Variants in CRACD observed in about 807,000 individuals in gnomAD.
The protein encoded by CRACD is capping protein-inhibiting regulator of actin dynamics.
A neutral mutation model predicts 106.8 loss-of-function variants in CRACD; 56 were observed. The observed-to-expected ratio is 0.52, with a 90% CI of 0.42 to 0.66. CRACD has a LOEUF of 0.66. Ranked by LOEUF, CRACD falls within the 30% of genes least tolerant of loss-of-function variation. CRACD has a pLI of 0.00. For synonymous variants in CRACD, 754 were observed against 670.8 expected (o/e 1.12, Z -1.92); for missense variants, 1,730 against 1,623.2 (o/e 1.07, Z -1.13).
At chr4:56,275,930 G>A (rs1196464660) in intron 3 of CRACD, among the ~76,000 whole-genome samples, 1 of 152,186 alleles carries the variant, frequency 6.6e-6, no homozygotes, top group African/African-American at 2.4e-5. Context: ...CACTGGGTGG[G>A]AATTGAAGGG....
At position 56,315,892 on chromosome 4, in the gene CRACD, C is replaced by T. The variant is rs1477600191; in HGVS notation, c.2390C>T (p.Ser797Phe). The T allele has an allele frequency of 1.2e-6, 2 of 1,614,238 alleles. No homozygotes were observed. The highest frequency in any genetic ancestry group is 1.7e-6 in the Non-Finnish European group (2 of 1,180,038). Reference protein sequence around the residue: ...EGCKFAKDLPSFLVPSLPYPP... With the variant: ...EGCKFAKDLPFFLVPSLPYPP... Reference sequence around the variant, plus strand: ...TGCAAATTTGCCAAAGACCTCCCGTCTTTCCTTGTCCCAAGCCTTCCTTAC... The same window carrying T: ...TGCAAATTTGCCAAAGACCTCCCGTTTTTCCTTGTCCCAAGCCTTCCTTAC... Residue 797 changes from serine to phenylalanine, a missense_variant, in exon 8 of 11, where the codon TCT becomes TTT. This residue lies in a region of CRACD where 1,620 missense variants were observed against 1,481.6 expected (regional missense o/e 1.09). Transcript: ENST00000682029. This position sits in a 1 kb window ranked among gnomAD's most constrained non-coding sequence, Gnocchi z 4.1.
intron 2 of CRACD, among the ~76,000 whole-genome samples, chr4:56,185,698 A>G (rs945508505): frequency 6.6e-6 from 1 of 152,176 alleles, no homozygotes; most frequent in Non-Finnish European, 1.5e-5. Flanking sequence ...ATCTGCAAGG[A>G]TATGGAGAAT....
intron 1 of CRACD, among the ~76,000 whole-genome samples, chr4:56,077,392 T>A (rs1732878607): frequency 6.6e-6 from 1 of 152,176 alleles, no homozygotes; most frequent in Non-Finnish European, 1.5e-5. Context: ...GGATTACAAT[T>A]CAAGATGAGA....
At chr4:56,115,242 G>T (rs965616072) in intron 1 of CRACD, among the ~76,000 whole-genome samples, 1 of 152,134 alleles carries the variant, frequency 6.6e-6, no homozygotes, top group Non-Finnish European at 1.5e-5. Flanking sequence ...CCAAATTGTT[G>T]TAGAACTATA....
rs767309599 is a variant in CRACD at position 56,314,960 on chromosome 4, G to C, written c.1458G>C (p.Gly486=). Reference sequence around the variant, plus strand: ...GGCCCGAGGAAAAGAGAGAAGAAGGGGACACGGAGCCTCTCCTGAAACAAG... The same window carrying C: ...GGCCCGAGGAAAAGAGAGAAGAAGGCGACACGGAGCCTCTCCTGAAACAAG... The part of the protein sequence containing the change: ...RPGPEEKREE[G]DTEPLLKQEG... Residue 486 remains glycine, a synonymous_variant, in exon 8 of 11, where the codon GGG becomes GGC. Coordinates refer to ENST00000682029, the MANE Select transcript of CRACD (RefSeq NM_001393381.1). The surrounding 1 kb of genome is among the most constrained non-coding windows in gnomAD (Gnocchi z 4.4). 1.3e-6 allele frequency: 2 copies of C among 1,591,106 alleles called. No individual in the cohort carries two copies. The highest frequency in any genetic ancestry group is 1.7e-6 in the Non-Finnish European group (2 of 1,170,254).
intron 2 of CRACD, among the ~76,000 whole-genome samples, chr4:56,245,097 C>T (rs764286297): frequency 6.6e-6 from 1 of 152,202 alleles, no homozygotes; most frequent in Non-Finnish European, 1.5e-5. Context: ...AAGAAAGCTG[C>T]CTTCATCTAG....
At chr4:56,177,211 G>A (rs1249041597) in intron 1 of CRACD, among the ~76,000 whole-genome samples, 7 of 152,212 alleles carry the variant, frequency 4.6e-5, no homozygotes, top group East Asian at 1.9e-4. Context: ...TGTCATACAC[G>A]GACTTTATTG....
At chr4:56,304,868 TCCTAATTAAATGGTATTAGAGTGTTAGG>T in intron 4 of CRACD, among the ~76,000 whole-genome samples, 1 of 152,244 alleles carries the variant, frequency 6.6e-6, no homozygotes, top group South Asian at 2.1e-4. Context: ...ATGGCAAAAA[TCCTAATTAAATGGTATTAGAGTGTTAGG>T]CCAGGTCCTC....
At chr4:56,189,592 C>T (rs13139472) in intron 2 of CRACD, among the ~76,000 whole-genome samples, 31,704 of 128,912 alleles carry the variant, frequency 0.25, 4,692 homozygotes, top group Middle Eastern at 0.33. Context: ...TGTTCCCCTT[C>T]CTGCGTCCAT....
chr4:56,284,096 C>G (rs1743189642), intron 3 of CRACD, among the ~76,000 whole-genome samples: 1 of 152,030 alleles, frequency 6.6e-6, no homozygotes, highest in Non-Finnish European at 1.5e-5. Context: ...CCATTGTGAT[C>G]TCTCTACAGA....
At chr4:56,153,582 G>A (rs10026627) in intron 1 of CRACD, among the ~76,000 whole-genome samples, 61,689 of 151,830 alleles carry the variant, frequency 0.41, 13,041 homozygotes, top group African/African-American at 0.51. Flanking sequence ...CATCTAGTCC[G>A]TGTCCATGCA....
chr4:56,126,380 C>T (rs1026905630), intron 1 of CRACD, among the ~76,000 whole-genome samples: 1 of 152,110 alleles, frequency 6.6e-6, no homozygotes, highest in African/African-American at 2.4e-5. Context: ...GTGGAATGCA[C>T]GTATCAGGCC....
intron 1 of CRACD, among the ~76,000 whole-genome samples, chr4:56,109,207 C>T (rs1050536998): frequency 6.6e-6 from 1 of 152,162 alleles, no homozygotes; most frequent in African/African-American, 2.4e-5. Flanking sequence ...ACCCTATACC[C>T]GCCGGTTATT....
At chr4:56,318,708 C>G (rs1177874408) in intron 8 of CRACD, among the ~76,000 whole-genome samples, 1 of 152,210 alleles carries the variant, frequency 6.6e-6, no homozygotes, top group Admixed American at 6.5e-5. Flanking sequence ...ATCACTCTCT[C>G]CATTCACTGG....
At chr4:56,095,400 G>A (rs941915952) in intron 1 of CRACD, among the ~76,000 whole-genome samples, 1 of 152,198 alleles carries the variant, frequency 6.6e-6, no homozygotes, top group African/African-American at 2.4e-5. Context: ...GACGGCAGTA[G>A]AGACAAAGTG....
At chr4:56,177,110 T>C (rs1390485456) in intron 1 of CRACD, among the ~76,000 whole-genome samples, 1 of 152,226 alleles carries the variant, frequency 6.6e-6, no homozygotes, top group East Asian at 1.9e-4. Flanking sequence ...ATAAAAGTGG[T>C]GAAACTGGGC....
At chr4:56,186,404 A>G (rs182951481) in intron 2 of CRACD, among the ~76,000 whole-genome samples, 6 of 152,300 alleles carry the variant, frequency 3.9e-5, no homozygotes, top group African/African-American at 1.2e-4. Flanking sequence ...TGATTGTTGT[A>G]TACTGTACTA....
chr4:56,084,299 C>T (rs1469844594), intron 1 of CRACD, among the ~76,000 whole-genome samples: 1 of 152,078 alleles, frequency 6.6e-6, no homozygotes, highest in East Asian at 1.9e-4. Context: ...TTTTCTTCTT[C>T]CTTCCTGCCT....
chr4:56,274,434 A>G (rs1742555936), intron 3 of CRACD, among the ~76,000 whole-genome samples: 1 of 147,630 alleles, frequency 6.8e-6, no homozygotes, highest in Non-Finnish European at 1.5e-5. Flanking sequence ...AGTTTTGCCA[A>G]GTCTGATTTC....
Sources: allele counts gnomAD v4.1 joint callset (sites outside exome capture counted in the v4.1 genomes callset), GRCh38; gene constraint gnomAD v4.1.1; regional missense constraint gnomAD v4.1.1; non-coding constraint Gnocchi (gnomAD v3.1); transcripts MANE v1.5; gene names NCBI Gene and HGNC (gene_info 2026-07-23, HGNC 2026-07-21).